Variants in RTCB observed in about 807,000 individuals in gnomAD.
The protein encoded by RTCB is RNA 2',3'-cyclic phosphate and 5'-OH ligase, also known as RNA-splicing ligase RTCB.
A neutral mutation model predicts 58.2 loss-of-function variants in RTCB; 32 were observed. The ratio of observed to expected loss-of-function variants is 0.55; its 90% CI spans 0.41 to 0.74. The LOEUF is 0.74. Among genes scored for constraint, RTCB ranks in the 30% least tolerant of loss-of-function variants. The pLI, the probability that RTCB is intolerant of heterozygous loss-of-function variation, is 0.00. For missense variants in RTCB, 523 were observed against 639.0 expected, an observed-to-expected ratio of 0.82 and a Z score of 1.96; for synonymous variants, 247 against 218.6, an observed-to-expected ratio of 1.13 and a Z score of -1.15.
chr22:32,398,410 C>A (rs1480460880), intron 6 of RTCB, among the ~76,000 whole-genome samples: 1 of 151,968 alleles, frequency 6.6e-6, no homozygotes, highest in Non-Finnish European at 1.5e-5. Context: ...ACAATGAGAA[C>A]ACATGGACAC....
chr22:32,396,602 T>C (rs772184753), intron 7 of RTCB, among the ~76,000 whole-genome samples: 3 of 152,242 alleles, frequency 2.0e-5, no homozygotes, highest in Admixed American at 6.5e-5. Context: ...GTTGCCTTCA[T>C]GATTAATCAA....
rs1310709105 is a variant in RTCB, at chr22:32,412,192, C to T, written c.-36G>A. The T allele has an allele frequency of 4.6e-6, 7 of 1,521,904 alleles. No individual in the cohort carries two copies. Among genetic ancestry groups the T allele is most frequent in the Non-Finnish European group, 6.3e-6 (7 of 1,119,266 alleles). 94.3% of individuals were successfully genotyped at this position (1,521,904 alleles called of 1,614,324 possible). On this transcript the variant is annotated 5_prime_UTR_variant, in exon 1 of 12. Transcript: ENST00000216038. ...ACTGTAGCAAAAACTCCCGGCTCCG[C>T]TTTGAAGAGCCGCTGCCGCGTAGTC...
intron 5 of RTCB, 21 bp from the exon 6 acceptor site, chr22:32,399,780 C>T (rs1373541213): frequency 1.9e-6 from 3 of 1,601,284 alleles, no homozygotes; most frequent in Non-Finnish European, 2.6e-6. Context: ...ATAAAAGGTG[C>T]TAGTCATCTC....
rs749343504 is a variant in RTCB at position 32,394,004 on chromosome 22, T to C, written c.1180-2A>G. On this transcript the variant is annotated splice_acceptor_variant, in intron 9 of 11. Transcript: ENST00000216038. LOFTEE classifies it high-confidence loss of function. ...AATGAGCACTGGCTGTCCAGTGAGC[T>C]GAGGATGCACATAAATCAAACATGT... The C allele has an allele frequency of 6.3e-6, 10 of 1,589,548 alleles. No individual in the cohort carries two copies. Among genetic ancestry groups the C allele is most frequent in the Non-Finnish European group, 6.0e-6 (7 of 1,157,718 alleles).
chr22:32,392,518 G>C, intron 10 of RTCB, 159 bp from the exon 11 acceptor site: 1 of 963,616 alleles, frequency 1.0e-6, no homozygotes, highest in Middle Eastern at 2.0e-4. Flanking sequence ...TTTAGATTTT[G>C]GACCGGAGAA....
At chr22:32,397,639 CAGATA>C (rs1260958483) in intron 7 of RTCB, among the ~76,000 whole-genome samples, 5 of 152,140 alleles carry the variant, frequency 3.3e-5, no homozygotes, top group African/African-American at 1.2e-4. Context: ...CTTTCTTGGC[CAGATA>C]GTAACTCATA....
At chr22:32,407,039 T>C (rs1477007152) in intron 3 of RTCB, among the ~76,000 whole-genome samples, 1 of 151,764 alleles carries the variant, frequency 6.6e-6, no homozygotes, top group Non-Finnish European at 1.5e-5. Context: ...GAGTAACACA[T>C]ACTAAGTTTA....
At chr22:32,398,833 A>G (rs936130606) in intron 6 of RTCB, among the ~76,000 whole-genome samples, 7 of 152,176 alleles carry the variant, frequency 4.6e-5, no homozygotes, top group African/African-American at 1.7e-4. Context: ...ACTACAGCTA[A>G]TATTAATAGA....
In RTCB at chr22:32,388,042, T is replaced by C; in HGVS notation, c.1468A>G (p.Ile490Val). The part of the protein sequence containing the change: ...DVVNTCHDAG[I>V]SKKAIKLRPI... ...CTCAGTTTAATGGCTTTCTTGCTGA[T>C]TCCAGCATCATGGCAGGTATTTACC... The change falls in exon 12 of 12, where the codon ATC becomes GTC. Residue 490 changes from isoleucine to valine, a missense_variant. Transcript: ENST00000216038. The C allele has an allele frequency of 6.2e-7, 1 of 1,614,136 alleles. No individual in the cohort carries two copies. Among genetic ancestry groups the C allele is most frequent in the Non-Finnish European group, 8.5e-7 (1 of 1,179,960 alleles).
At chr22:32,398,132 T>C in intron 6 of RTCB, 32 bp from the exon 7 acceptor site, 1 of 1,584,760 alleles carries the variant, frequency 6.3e-7, no homozygotes, top group Non-Finnish European at 8.5e-7. Flanking sequence ...GTAAGATAGT[T>C]TTTATTCCAG....
At chr22:32,390,814 A>T (rs1041014432) in intron 11 of RTCB, among the ~76,000 whole-genome samples, 6 of 151,888 alleles carry the variant, frequency 4.0e-5, no homozygotes, top group African/African-American at 7.3e-5. Flanking sequence ...AATTGTTATT[A>T]AAAAAAATAA....
Position 32,393,993 on chromosome 22 carries a change from G to GC in RTCB, c.1188_1189insG (p.Gln397AlafsTer13), listed in dbSNP as rs764398412. 1 of 1,608,180 alleles carries GC rather than the reference G, an allele frequency of 6.2e-7. No homozygotes were observed. The highest frequency in any genetic ancestry group is 8.5e-7 in the Non-Finnish European group (1 of 1,174,590). ...ATGGTGCCACCAATGAGCACTGGCT[G>GC]TCCAGTGAGCTGAGGATGCACATAA... On this transcript the variant is annotated frameshift_variant, in exon 10 of 12. Transcript: ENST00000216038. LOFTEE classifies it high-confidence loss of function.
chr22:32,411,849 T>C (rs1402803369), intron 1 of RTCB, among the ~76,000 whole-genome samples: 1 of 152,208 alleles, frequency 6.6e-6, no homozygotes, highest in Non-Finnish European at 1.5e-5. Context: ...CGCACTTAGC[T>C]TGTCCTCGTG....
chr22:32,410,079 G>T (rs894625633), intron 1 of RTCB, among the ~76,000 whole-genome samples: 1 of 152,142 alleles, frequency 6.6e-6, no homozygotes, highest in African/African-American at 2.4e-5. Flanking sequence ...GCCTCCCAAA[G>T]TGCTGGGATT....
intron 6 of RTCB, 41 bp from the exon 7 acceptor site, chr22:32,398,141 A>C (rs1448850407): frequency 6.3e-7 from 1 of 1,575,840 alleles, no homozygotes; most frequent in African/African-American, 1.4e-5. Context: ...TTTTTATTCC[A>C]GTTTTTTTTT....
rs752280902 is a variant in RTCB at position 32,387,874 on chromosome 22, G to T, written c.*118C>A. Reference sequence around the variant, plus strand: ...CCCATCAGCCATTTTGGCGTGAGCAGTTACAGCTGCACACTTTGCAACTTG... The same window carrying T: ...CCCATCAGCCATTTTGGCGTGAGCATTTACAGCTGCACACTTTGCAACTTG... On this transcript the variant is annotated 3_prime_UTR_variant, in exon 12 of 12. Transcript: ENST00000216038. The T allele has an allele frequency of 5.5e-4, 368 of 669,536 alleles. 3 individuals carry two copies. Among genetic ancestry groups the T allele is most frequent in the East Asian group, 7.1e-4 (26 of 36,548 alleles). 41.5% of individuals were successfully genotyped at this position (669,536 alleles called of 1,614,324 possible).
intron 11 of RTCB, among the ~76,000 whole-genome samples, chr22:32,388,547 T>C (rs1294086601): frequency 6.6e-6 from 1 of 152,204 alleles, no homozygotes; most frequent in Non-Finnish European, 1.5e-5. Context: ...CACAGTAAGT[T>C]ATAAAATTCA....
Position 32,392,247 on chromosome 22 carries a change from A to G in RTCB, c.1403T>C (p.Met468Thr). The G allele has an allele frequency of 6.2e-7, 1 of 1,609,748 alleles. No homozygotes were observed. Among genetic ancestry groups the G allele is most frequent in the East Asian group, 2.2e-5 (1 of 44,836 alleles). Residue 468 changes from methionine to threonine, a missense_variant, in exon 11 of 12, where the codon ATG becomes ACG. Transcript: ENST00000216038. ...AIRVASPKLV[M>T]EEAPESYKNV... Reference sequence around the variant, plus strand: ...TATCAAAATTTCACTTACCTCTTCCATAACCAGTTTGGGTGAGGCAACACG... The same window carrying G: ...TATCAAAATTTCACTTACCTCTTCCGTAACCAGTTTGGGTGAGGCAACACG...
intron 1 of RTCB, among the ~76,000 whole-genome samples, chr22:32,410,636 G>A (rs1341836747): frequency 6.6e-6 from 1 of 152,036 alleles, no homozygotes; most frequent in Non-Finnish European, 1.5e-5. Flanking sequence ...TGCATCAAAG[G>A]CTGAGTCAGA....
Sources: allele counts gnomAD v4.1 joint callset (sites outside exome capture counted in the v4.1 genomes callset), GRCh38; gene constraint gnomAD v4.1.1; transcripts MANE v1.5; gene names NCBI Gene and HGNC (gene_info 2026-07-23, HGNC 2026-07-21).